The following OR5K1 variants were observed in gnomAD, a reference collection of about 807,000 sequenced individuals.
OR5K1 encodes olfactory receptor family 5 subfamily K member 1, also known as olfactory receptor 5K1.
Under a neutral mutation model 10.4 loss-of-function variants are expected in OR5K1, and 7 were observed. That is an observed-to-expected ratio of 0.67 (90% CI 0.38 to 1.26). The LOEUF (loss-of-function observed/expected upper bound fraction) is 1.26. OR5K1 is among the 50% of genes most tolerant of loss of function. OR5K1 has a pLI of 0.02. For missense variants in OR5K1, 435 were observed against 366.2 expected (o/e 1.19, Z -1.53); for synonymous variants, 135 against 128.5 (o/e 1.05, Z -0.34).
At chr3:98,464,695 G>A (rs564936069) in intron 1 of OR5K1, among the ~76,000 whole-genome samples, 2 of 152,272 alleles carry the variant, frequency 1.3e-5, no homozygotes, top group African/African-American at 4.8e-5. Flanking sequence ...GGAATACAGT[G>A]AAAACACATG....
At chr3:98,465,600 T>G (rs558578060) in intron 1 of OR5K1, among the ~76,000 whole-genome samples, 6 of 152,288 alleles carry the variant, frequency 3.9e-5, no homozygotes, top group Non-Finnish European at 8.8e-5. Context: ...TTATCATTTC[T>G]TTTTAAAAAC....
chr3:98,464,275 A>T (rs933214351), intron 1 of OR5K1, among the ~76,000 whole-genome samples: 4 of 152,108 alleles, frequency 2.6e-5, no homozygotes, highest in Non-Finnish European at 4.4e-5. Flanking sequence ...ACTTTAAAAA[A>T]ATATATATAT....
chr3:98,469,703 A>G lies in OR5K1; in HGVS notation c.127A>G (p.Ile43Val). The G allele has an allele frequency of 6.2e-7, 1 of 1,613,720 alleles. No homozygotes were observed. The highest frequency in any genetic ancestry group is 8.5e-7 in the Non-Finnish European group (1 of 1,179,780). Residue 43 changes from isoleucine (I) to valine (V), a missense_variant, in exon 2 of 2, where the codon ATT becomes GTT. Coordinates refer to ENST00000642057, the MANE Select transcript of OR5K1 (RefSeq NM_001004736.4). ...AIYLITVVGN[I>V]SLVALIFTHR... ...CTATCTGATCACCGTGGTGGGGAAT[A>G]TTAGTTTGGTGGCACTGATATTTAC...
At chr3:98,463,701 CA>C (rs1209576273) in intron 1 of OR5K1, among the ~76,000 whole-genome samples, 1 of 152,048 alleles carries the variant, frequency 6.6e-6, no homozygotes, top group East Asian at 1.9e-4. Flanking sequence ...ATGTATTAAA[CA>C]AATTATATAA....
At chr3:98,464,141 T>C (rs1705342118) in intron 1 of OR5K1, among the ~76,000 whole-genome samples, 1 of 151,906 alleles carries the variant, frequency 6.6e-6, no homozygotes, top group Non-Finnish European at 1.5e-5. Flanking sequence ...GCCTGTAATT[T>C]CATACTTGGT....
At chr3:98,469,508 C>G in intron 1 of OR5K1, 58 bp from the exon 2 acceptor site, 1 of 1,491,722 alleles carries the variant, frequency 6.7e-7, no homozygotes, top group Non-Finnish European at 9.1e-7. Context: ...CCAAAGAGAC[C>G]TAAATAACTG....
In OR5K1 at chr3:98,470,628, A is replaced by T; in HGVS notation, c.*125A>T. The T allele has an allele frequency of 3.6e-6, 2 of 561,836 alleles. No homozygotes were observed. Among genetic ancestry groups the T allele is most frequent in the South Asian group, 5.7e-5 (2 of 35,268 alleles). 34.8% of individuals were successfully genotyped at this position (561,836 alleles called of 1,614,324 possible). On this transcript the variant is annotated 3_prime_UTR_variant, in exon 2 of 2. Coordinates refer to ENST00000642057, the MANE Select transcript of OR5K1 (RefSeq NM_001004736.4). The stretch of plus-strand genomic sequence containing the variant: ...ATAAGTAAAATTTTAATATATAAGA[A>T]TACATTCAAATTAAGTGGCAAGAGG...
At chr3:98,464,967 T>C (rs1216312948) in intron 1 of OR5K1, among the ~76,000 whole-genome samples, 2 of 152,190 alleles carry the variant, frequency 1.3e-5, no homozygotes, top group African/African-American at 4.8e-5. Flanking sequence ...ATGATTATTG[T>C]GCACTTAATC....
In OR5K1 at chr3:98,469,681, T is replaced by C. The variant is rs183266052; in HGVS notation, c.105T>C (p.Tyr35=). ...TLLFVVFFAI[Y]LITVVGNISL... ...TGTTTGTGGTGTTCTTTGCCATCTA[T>C]CTGATCACCGTGGTGGGGAATATTA... Residue 35 remains tyrosine (Y), a synonymous_variant, in exon 2 of 2, where the codon TAT becomes TAC. Coordinates refer to ENST00000642057, the MANE Select transcript of OR5K1 (RefSeq NM_001004736.4). 1.2e-5 allele frequency: 19 copies of C among 1,613,740 alleles called. No individual in the cohort carries two copies. In the African/African-American group the frequency reaches 1.9e-4, roughly 16 times the overall value.
Position 98,469,917 on chromosome 3 carries a change from T to C in OR5K1, c.341T>C (p.Leu114Pro). The C allele has an allele frequency of 6.2e-7, 1 of 1,613,774 alleles. No individual in the cohort carries two copies. Among genetic ancestry groups the C allele is most frequent in the Non-Finnish European group, 8.5e-7 (1 of 1,179,804 alleles). The change falls in exon 2 of 2, where the codon CTT becomes CCT. Residue 114 changes from leucine to proline, a missense_variant. By Grantham distance (98) the Leu-to-Pro change is moderately conservative (BLOSUM62 -3). Coordinates refer to ENST00000642057, the MANE Select transcript of OR5K1 (RefSeq NM_001004736.4). ...ACTGTGGAAACTGCAGACTGCTTTCTTCTGGCAGCAATGGCCTATGACCGC... is the reference window on the plus strand; with the variant it reads ...ACTGTGGAAACTGCAGACTGCTTTCCTCTGGCAGCAATGGCCTATGACCGC... ...LCTVETADCF[L>P]LAAMAYDRYV... is the part of the protein sequence containing the mutation.
Position 98,469,828 on chromosome 3 carries a change from C to G in OR5K1, c.252C>G (p.Asn84Lys), listed in dbSNP as rs959292177. 3 of 1,613,776 alleles carry G rather than the reference C, an allele frequency of 1.9e-6. No individual in the cohort carries two copies. In the South Asian group the frequency reaches 3.3e-5, roughly 18 times the overall value. The change falls in exon 2 of 2, where the codon AAC (asparagine) becomes AAG (lysine). Residue 84 changes from asparagine to lysine, a missense_variant. Transcript: ENST00000642057. ...ACAITPKMLENFFSENKRISL... is the reference protein window; with the variant it reads ...ACAITPKMLEKFFSENKRISL... ...CTATTACCCCCAAAATGTTAGAGAACTTCTTTTCTGAGAACAAAAGGATTT... is the reference window on the plus strand; with the variant it reads ...CTATTACCCCCAAAATGTTAGAGAAGTTCTTTTCTGAGAACAAAAGGATTT...
intron 1 of OR5K1, among the ~76,000 whole-genome samples, chr3:98,468,026 T>G (rs1224696671): frequency 6.6e-6 from 1 of 152,172 alleles, no homozygotes; most frequent in Non-Finnish European, 1.5e-5. Flanking sequence ...TCTTGAATTT[T>G]TGATAGCATT....
chr3:98,466,779 A>T (rs1705380499), intron 1 of OR5K1, among the ~76,000 whole-genome samples: 1 of 132,768 alleles, frequency 7.5e-6, no homozygotes, highest in Non-Finnish European at 1.5e-5. Context: ...GTTTGAGTTC[A>T]TTGTAGATTC....
In OR5K1 at chr3:98,471,904, C is replaced by A. The variant is rs1576239623; in HGVS notation, c.*1401C>A. 6.6e-6 allele frequency: 1 copy of A among 152,146 alleles called. No individual in the cohort carries two copies. The highest frequency in any genetic ancestry group is 6.6e-5 in the Admixed American group (1 of 15,252). 9.4% of individuals were successfully genotyped at this position (152,146 alleles called of 1,614,324 possible). A position where few individuals can be genotyped will look rare whatever the true frequency, so the allele number is the denominator to read the frequency against. ...CTTTGTAACCTCCAAGAAAATCTAA[C>A]CTAGTTCATTCCAATTATACTTGGA... On this transcript the variant is annotated 3_prime_UTR_variant, in exon 2 of 2. Coordinates refer to ENST00000642057, the MANE Select transcript of OR5K1 (RefSeq NM_001004736.4).
chr3:98,470,268 A>G lies in OR5K1; in HGVS notation c.692A>G (p.Lys231Arg). Residue 231 changes from lysine (K) to arginine (R), a missense_variant, in exon 2 of 2, where the codon AAA (lysine) becomes AGA (arginine). Transcript: ENST00000642057. Reference protein sequence around the residue: ...ILLTIFKMKSKEGRAKAFSTC... With the variant: ...ILLTIFKMKSREGRAKAFSTC... Reference sequence around the variant, plus strand: ...CTTACTATTTTCAAAATGAAATCCAAAGAGGGAAGGGCCAAAGCTTTTTCT... The same window carrying G: ...CTTACTATTTTCAAAATGAAATCCAGAGAGGGAAGGGCCAAAGCTTTTTCT... 1 of 1,613,206 alleles carries G rather than the reference A, an allele frequency of 6.2e-7. No homozygotes were observed. The highest frequency in any genetic ancestry group is 8.5e-7 in the Non-Finnish European group (1 of 1,179,480).
intron 1 of OR5K1, among the ~76,000 whole-genome samples, chr3:98,465,761 T>G (rs1272774931): frequency 6.6e-6 from 1 of 152,062 alleles, no homozygotes; most frequent in African/African-American, 2.4e-5. Context: ...TATTTTCTAG[T>G]GATTATTTGT....
At position 98,465,811 on chromosome 3, in the gene OR5K1, C is replaced by T. The variant is rs543160670; in HGVS notation, c.-12+2504C>T. ...AAAACACAACTAGAGAAACAATATCCTATTTATTCCAGTCTCCCAGTTTTT... is the reference window on the plus strand; with the variant it reads ...AAAACACAACTAGAGAAACAATATCTTATTTATTCCAGTCTCCCAGTTTTT... On this transcript the variant is annotated intron_variant, in intron 1 of 1. Coordinates refer to ENST00000642057, the MANE Select transcript of OR5K1 (RefSeq NM_001004736.4). Among the ~76,000 whole-genome samples the T allele has an allele frequency of 2.2e-3, 329 of 151,986 alleles. 2 individuals are homozygous for T. Among genetic ancestry groups the T allele is most frequent in the African/African-American group, 7.5e-3 (312 of 41,484 alleles).
At chr3:98,466,012 A>C (rs1440186688) in intron 1 of OR5K1, among the ~76,000 whole-genome samples, 8 of 151,952 alleles carry the variant, frequency 5.3e-5, no homozygotes, top group Non-Finnish European at 8.8e-5. Context: ...CGTGTCATCT[A>C]GCATTAGGTA....
intron 1 of OR5K1, 160 bp from the exon 2 acceptor site, chr3:98,469,406 T>G (rs56336891): frequency 0.081 from 52,225 of 643,476 alleles, 2,631 homozygotes; most frequent in South Asian, 0.17. Context: ...GGTAATTCCT[T>G]TATGGAAATT....
Sources: allele counts gnomAD v4.1 joint callset (sites outside exome capture counted in the v4.1 genomes callset), GRCh38; gene constraint gnomAD v4.1.1; transcripts MANE v1.5; gene names NCBI Gene and HGNC (gene_info 2026-07-23, HGNC 2026-07-21).